The following SHPK variants were observed in gnomAD, a reference collection of about 807,000 sequenced individuals.
SHPK encodes the protein sedoheptulokinase.
A neutral mutation model predicts 46.3 loss-of-function variants in SHPK; 51 were observed. That is an observed-to-expected ratio of 1.10 (90% CI 0.88 to 1.39). The LOEUF (loss-of-function observed/expected upper bound fraction) is 1.39, where lower values mean the gene tolerates loss of function less well. SHPK is among the 40% of genes most tolerant of loss of function. The probability of loss-of-function intolerance (pLI) is 0.00; values close to 1 mark genes in which losing one functional copy is unlikely to be tolerated. For synonymous variants in SHPK, 290 were observed against 273.9 expected, an observed-to-expected ratio of 1.06 and a Z score of -0.58; for missense variants, 668 against 641.3, an observed-to-expected ratio of 1.04 and a Z score of -0.45.
At position 3,624,171 on chromosome 17, in the gene SHPK, A is replaced by T; in HGVS notation, c.371T>A (p.Leu124Gln). 1 of 1,614,198 alleles carries T rather than the reference A, an allele frequency of 6.2e-7. No individual in the cohort carries two copies. Among genetic ancestry groups the T allele is most frequent in the Non-Finnish European group, 8.5e-7 (1 of 1,180,006 alleles). Residue 124 changes from leucine to glutamine, a missense_variant, in exon 3 of 7, where the codon CTG becomes CAG. Leu to Gln is a moderately radical substitution (Grantham distance 113). Coordinates refer to ENST00000225519, the MANE Select transcript of SHPK (RefSeq NM_013276.4). The stretch of plus-strand genomic sequence containing the variant: ...ACATCGGCCATCCTGCCACGTGACC[A>T]GGTGGCTAACAGCTCGGGGCTCGAA... ...PVFEPRAVSH[L>Q]VTWQDGRCSS...
rs16953301 is a variant in SHPK, at chr17:3,610,053, C to A, written c.*507G>T. On this transcript the variant is annotated 3_prime_UTR_variant, in exon 7 of 7. Coordinates refer to ENST00000225519, the MANE Select transcript of SHPK (RefSeq NM_013276.4). The stretch of plus-strand genomic sequence containing the variant: ...AGGATGAGACTAGGAAAGGGGCCTC[C>A]GGTCACATGGTTCAGTCCAGGAGAC... 1 of 154,220 alleles carries A rather than the reference C, an allele frequency of 6.5e-6. No individual in the cohort carries two copies. The highest frequency in any genetic ancestry group is 2.4e-5 in the African/African-American group (1 of 41,452). The allele number at this position is 154,220 out of a possible 1,614,324, so 9.6% of individuals were successfully genotyped here. A position where few individuals can be genotyped will look rare whatever the true frequency, so the allele number is the denominator to read the frequency against.
chr17:3,634,688 T>C (rs374068049), intron 1 of SHPK, among the ~76,000 whole-genome samples: 1 of 152,240 alleles, frequency 6.6e-6, no homozygotes, highest in Non-Finnish European at 1.5e-5. Flanking sequence ...AGAGCCAACT[T>C]TGCCTCCAAT....
At position 3,610,784 on chromosome 17, in the gene SHPK, C is replaced by G. The variant is rs1338296206; in HGVS notation, c.1213G>C (p.Gly405Arg). The G allele has an allele frequency of 1.2e-6, 2 of 1,614,034 alleles. No homozygotes were observed. ...ATGGAGTGCAGGTTCTGAACAATGC[C>G]TCGGCACAGAGCCCGGGTCACGTGC... is the stretch of plus-strand genomic sequence containing the variant. ...LGHVTRALCR[G>R]IVQNLHSMLP... The change falls in exon 7 of 7, where the codon GGC (glycine) becomes CGC (arginine). Residue 405 changes from glycine (G) to arginine (R), a missense_variant. Gly to Arg is a moderately radical substitution (Grantham distance 125, BLOSUM62 -2). Coordinates refer to ENST00000225519, the MANE Select transcript of SHPK (RefSeq NM_013276.4).
intron 6 of SHPK, 42 bp from the exon 7 acceptor site, chr17:3,611,014 CCT>C: frequency 6.5e-7 from 1 of 1,542,910 alleles, no homozygotes. Flanking sequence ...CATGCGTCCC[CCT>C]CAGTGCAGGC....
At chr17:3,626,214 T>G (rs1041227238) in intron 2 of SHPK, among the ~76,000 whole-genome samples, 10 of 152,326 alleles carry the variant, frequency 6.6e-5, no homozygotes, top group South Asian at 6.2e-4. Flanking sequence ...TCCTTAAAAG[T>G]TCACTAGAAT....
At chr17:3,623,101 C>T (rs539980134) in intron 4 of SHPK, among the ~76,000 whole-genome samples, 1 of 152,296 alleles carries the variant, frequency 6.6e-6, no homozygotes, top group African/African-American at 2.4e-5. Flanking sequence ...GGGGTCTGGG[C>T]GGCTGTGGAG....
At chr17:3,631,497 C>CT (rs2075471451) in intron 1 of SHPK, among the ~76,000 whole-genome samples, 1 of 126,510 alleles carries the variant, frequency 7.9e-6, no homozygotes, top group Admixed American at 8.6e-5. Context: ...AAAATATACA[C>CT]TATCTAATTT....
At chr17:3,634,969 C>T (rs978948189) in intron 1 of SHPK, among the ~76,000 whole-genome samples, 3 of 151,838 alleles carry the variant, frequency 2.0e-5, no homozygotes, top group Non-Finnish European at 4.4e-5. Flanking sequence ...GTCAGGAGTT[C>T]AAGACCAGTC....
rs375537165 is a variant in SHPK at position 3,610,840 on chromosome 17, G to A, written c.1157C>T (p.Thr386Ile). The A allele has an allele frequency of 2.5e-6, 4 of 1,614,008 alleles. No homozygotes were observed. The African/African-American group carries it at 5.3e-5, about 22-fold the overall frequency. The change falls in exon 7 of 7, where the codon ACC (threonine) becomes ATC (isoleucine). Residue 386 changes from threonine (T) to isoleucine (I), a missense_variant. Transcript: ENST00000225519. ...RHLPDQLASV[T>I]RISSSDLSLG... is the part of the protein sequence containing the mutation. ...GGAGAGGTCGGAGGAGGAGATTCTG[G>A]TCACTGAGGCCAGCTGGTCCGGCAG...
At chr17:3,630,042 T>C (rs2075460801) in intron 2 of SHPK, among the ~76,000 whole-genome samples, 163 bp downstream of exon 2, 1 of 152,068 alleles carries the variant, frequency 6.6e-6, no homozygotes, top group African/African-American at 2.4e-5. Flanking sequence ...TGGTACAGAA[T>C]GCTCACCCAC....
chr17:3,622,481 G>A, intron 4 of SHPK: 1 of 540,034 alleles, frequency 1.9e-6, no homozygotes, highest in Non-Finnish European at 2.4e-6. Flanking sequence ...AAACGTGTTA[G>A]TCACTCAGGG....
In SHPK at chr17:3,609,487, AC is replaced by A. The variant is rs982371029; in HGVS notation, c.*1072del. 9.2e-5 allele frequency: 14 copies of A among 152,086 alleles called. No individual in the cohort carries two copies. The highest frequency in any genetic ancestry group is 1.5e-4 in the Non-Finnish European group (10 of 68,028). The allele number at this position is 152,086 out of a possible 1,614,324, so 9.4% of individuals were successfully genotyped here. A position where few individuals can be genotyped will look rare whatever the true frequency, so the allele number is the denominator to read the frequency against. ...TGGAAGCCACCCCACAGCCATCCCTACCAATCACAAGAAGGCTTACAACGCT... is the reference window on the plus strand; with the variant it reads ...TGGAAGCCACCCCACAGCCATCCCTACAATCACAAGAAGGCTTACAACGCT... On this transcript the variant is annotated 3_prime_UTR_variant, in exon 7 of 7. Transcript: ENST00000225519.
At position 3,621,522 on chromosome 17, in the gene SHPK, C is replaced by T. The variant is rs952655183; in HGVS notation, c.648-110G>A. The T allele has an allele frequency of 6.3e-6, 6 of 949,490 alleles. No individual in the cohort carries two copies. In the African/African-American group the frequency reaches 8.4e-5, roughly 13 times the overall value. The allele number at this position is 949,490 out of a possible 1,614,324, so 58.8% of individuals were successfully genotyped here. A position where few individuals can be genotyped will look rare whatever the true frequency, so the allele number is the denominator to read the frequency against. ...TCTCTCCATTCCTCCCTCCCTTCTT[C>T]CTTTCCTTTCCTCCCTCCCTCCCTT... On this transcript the variant is annotated intron_variant, in intron 4 of 6. Transcript: ENST00000225519.
chr17:3,619,662 G>A (rs1005974311), intron 5 of SHPK: 1 of 334,048 alleles, frequency 3.0e-6, no homozygotes, highest in Non-Finnish European at 5.7e-6. Flanking sequence ...GAACCCCAGA[G>A]GCAGAGATTG....
At position 3,610,912 on chromosome 17, in the gene SHPK, C is replaced by A; in HGVS notation, c.1085G>T (p.Arg362Ile). ...CGGGGTGATGGTCAGGTGGGTATCTCTCTGCTGCACAGCTGCCTGAATCAT... is the reference window on the plus strand; with the variant it reads ...CGGGGTGATGGTCAGGTGGGTATCTATCTGCTGCACAGCTGCCTGAATCAT... ...SRMIQAAVQQ[R>I]DTHLTITPTV... The change falls in exon 7 of 7, where the codon AGA becomes ATA. Residue 362 changes from arginine (R) to isoleucine (I), a missense_variant. Coordinates refer to ENST00000225519, the MANE Select transcript of SHPK (RefSeq NM_013276.4). 1 of 1,613,886 alleles carries A rather than the reference C, an allele frequency of 6.2e-7. No individual in the cohort carries two copies. Among genetic ancestry groups the A allele is most frequent in the Non-Finnish European group, 8.5e-7 (1 of 1,179,908 alleles).
chr17:3,622,121 CCT>C (rs1449229090), intron 4 of SHPK, among the ~76,000 whole-genome samples: 2 of 152,142 alleles, frequency 1.3e-5, no homozygotes, highest in African/African-American at 4.8e-5. Flanking sequence ...CAGCTGCTTT[CCT>C]TTTTTGTTGT....
intron 1 of SHPK, among the ~76,000 whole-genome samples, chr17:3,634,911 A>G (rs1324455147): frequency 6.6e-6 from 1 of 151,862 alleles, no homozygotes; most frequent in East Asian, 1.9e-4. Flanking sequence ...GTGACTCACA[A>G]CTGTAATCCT....
Position 3,609,497 on chromosome 17 carries a change from A to G in SHPK, c.*1063T>C, listed in dbSNP as rs1195263104. ...CCCACAGCCATCCCTACCAATCACA[A>G]GAAGGCTTACAACGCTCTGGGATCC... On this transcript the variant is annotated 3_prime_UTR_variant, in exon 7 of 7. Coordinates refer to ENST00000225519, the MANE Select transcript of SHPK (RefSeq NM_013276.4). 6.6e-6 allele frequency: 1 copy of G among 152,128 alleles called. No individual in the cohort carries two copies. Among genetic ancestry groups the G allele is most frequent in the Non-Finnish European group, 1.5e-5 (1 of 68,034 alleles). The allele number at this position is 152,128 out of a possible 1,614,324, so 9.4% of individuals were successfully genotyped here. A position where few individuals can be genotyped will look rare whatever the true frequency, so the allele number is the denominator to read the frequency against.
In SHPK at chr17:3,627,442, G is replaced by A. The variant is rs1328882823; in HGVS notation, c.310+2763C>T. Among the ~76,000 whole-genome samples the A allele has an allele frequency of 2.0e-5, 3 of 151,916 alleles. 1 individual carries two copies. The highest frequency in any genetic ancestry group is 7.3e-5 in the African/African-American group (3 of 41,362). Reference sequence around the variant, plus strand: ...TGTTGACTGTGTTTTGGAAGGTAGAGGCTGCATTCCTTCATTTCTATCTCT... The same window carrying A: ...TGTTGACTGTGTTTTGGAAGGTAGAAGCTGCATTCCTTCATTTCTATCTCT... On this transcript the variant is annotated intron_variant, in intron 2 of 6. Coordinates refer to ENST00000225519, the MANE Select transcript of SHPK (RefSeq NM_013276.4).
Sources: gnomAD v4.1 joint callset for allele counts (sites outside exome capture counted in the v4.1 genomes callset) on GRCh38, gnomAD v4.1.1 for gene constraint, MANE v1.5 for transcripts, NCBI Gene and HGNC (gene_info 2026-07-23, HGNC 2026-07-21) for gene names.